The following PRKN variants were observed in gnomAD, a reference collection of about 807,000 sequenced individuals.
The protein encoded by PRKN is E3 ubiquitin-protein ligase parkin.
PRKN carries 56 observed loss-of-function variants against 59.5 expected under a neutral mutation model. The ratio of observed to expected loss-of-function variants is 0.94; its 90% CI spans 0.76 to 1.18. The LOEUF (loss-of-function observed/expected upper bound fraction) is 1.18. Among genes scored for constraint, PRKN ranks in the 50% most tolerant of loss-of-function variants. The probability of loss-of-function intolerance (pLI) is 0.00; values close to 1 mark genes in which losing one functional copy is unlikely to be tolerated. For synonymous variants in PRKN, 250 were observed against 222.1 expected, an observed-to-expected ratio of 1.13 and a Z score of -1.12; for missense variants, 657 against 596.4, an observed-to-expected ratio of 1.10 and a Z score of -1.06.
At chr6:161,738,950 G>T (rs1032739124) in intron 7 of PRKN, among the ~76,000 whole-genome samples, 3 of 152,310 alleles carry the variant, frequency 2.0e-5, no homozygotes, top group Admixed American at 2.0e-4. Flanking sequence ...CAAACTGTGG[G>T]AAACAGGTAT....
chr6:162,381,954 G>A (rs776964140), intron 2 of PRKN, among the ~76,000 whole-genome samples: 16 of 152,068 alleles, frequency 1.1e-4, no homozygotes, highest in Non-Finnish European at 2.4e-4. Flanking sequence ...CAGCACAATT[G>A]CAGATCAGGA....
intron 7 of PRKN, among the ~76,000 whole-genome samples, chr6:161,752,989 G>A (rs1382296849): frequency 1.3e-5 from 2 of 152,152 alleles, no homozygotes; most frequent in Non-Finnish European, 2.9e-5. Flanking sequence ...AGTGTCAGAG[G>A]AACAGGTGTA....
intron 5 of PRKN, among the ~76,000 whole-genome samples, chr6:162,048,451 C>T (rs1226889375): frequency 2.0e-5 from 3 of 151,802 alleles, no homozygotes; most frequent in Admixed American, 6.6e-5. Flanking sequence ...CGGAGGGGAG[C>T]GTTGGATGAC....
chr6:161,977,936 C>G (rs924530651), intron 5 of PRKN, among the ~76,000 whole-genome samples: 1 of 152,100 alleles, frequency 6.6e-6, no homozygotes, highest in Non-Finnish European at 1.5e-5. Context: ...CAGAGATGAG[C>G]GGACAAATGA....
intron 1 of PRKN, among the ~76,000 whole-genome samples, chr6:162,473,432 C>T (rs148087203): frequency 6.6e-6 from 1 of 152,096 alleles, no homozygotes; most frequent in South Asian, 2.1e-4. Flanking sequence ...CCTATGTTTG[C>T]CAACATCAAG....
chr6:161,632,209 A>C (rs1255256616), intron 7 of PRKN, among the ~76,000 whole-genome samples: 4 of 152,152 alleles, frequency 2.6e-5, no homozygotes, highest in Non-Finnish European at 4.4e-5. Flanking sequence ...AATGATAGTC[A>C]CAGCGTCACA....
At chr6:161,942,592 C>A (rs1037900986) in intron 6 of PRKN, among the ~76,000 whole-genome samples, 3 of 152,114 alleles carry the variant, frequency 2.0e-5, no homozygotes, top group Non-Finnish European at 4.4e-5. Context: ...TTGGATACTT[C>A]CTTTTGTTCC....
At chr6:161,923,073 C>T (rs1778842619) in intron 6 of PRKN, among the ~76,000 whole-genome samples, 1 of 152,236 alleles carries the variant, frequency 6.6e-6, no homozygotes, top group Non-Finnish European at 1.5e-5. Flanking sequence ...CATGTGGCCT[C>T]CCTGTTCCTG....
chr6:162,439,975 C>T (rs1287042434), intron 2 of PRKN, among the ~76,000 whole-genome samples: 1 of 152,106 alleles, frequency 6.6e-6, no homozygotes, highest in African/African-American at 2.4e-5. Context: ...GCACCCCTAA[C>T]TCCATGACTC....
At chr6:162,532,428 G>C (rs2128197088) in intron 1 of PRKN, among the ~76,000 whole-genome samples, 1 of 152,272 alleles carries the variant, frequency 6.6e-6, no homozygotes, top group Middle Eastern at 3.4e-3. Context: ...TTTTATCTTT[G>C]CTTCATCTCT....
chr6:161,365,642 T>C (rs1276762340), intron 10 of PRKN, among the ~76,000 whole-genome samples: 1 of 152,144 alleles, frequency 6.6e-6, no homozygotes, highest in East Asian at 1.9e-4. Context: ...CTTTTCAAAA[T>C]ACCAATTTTC....
At chr6:162,189,315 C>CCTATTCTAATTATCTTCTATA (rs1784170128) in intron 4 of PRKN, among the ~76,000 whole-genome samples, 2 of 65,190 alleles carry the variant, frequency 3.1e-5, no homozygotes, top group Non-Finnish European at 7.7e-5. Flanking sequence ...TATCTTATAT[C>CCTATTCTAATTATCTTCTATA]GGAGGGAATT....
chr6:162,432,423 G>T (rs1789581147), intron 2 of PRKN, among the ~76,000 whole-genome samples: 1 of 152,058 alleles, frequency 6.6e-6, no homozygotes. Context: ...CTACTAGCAG[G>T]GCTGAGGCAG....
At position 161,372,765 on chromosome 6, in the gene PRKN, G is replaced by C. The variant is rs1460041619; in HGVS notation, c.1168-12560C>G. 2.6e-5 allele frequency among the ~76,000 whole-genome samples: 4 copies of C among 152,026 alleles called. No homozygotes were observed. The highest frequency in any genetic ancestry group is 9.7e-5 in the African/African-American group (4 of 41,364). ...GATGTCGCTAGCCTGCAGAGCTTCGGAGAACTACTGCTCGCAGAAGGTCTA... is the reference window on the plus strand; with the variant it reads ...GATGTCGCTAGCCTGCAGAGCTTCGCAGAACTACTGCTCGCAGAAGGTCTA... On this transcript the variant is annotated intron_variant, in intron 10 of 11. Coordinates refer to ENST00000366898, the MANE Select transcript of PRKN (RefSeq NM_004562.3). The surrounding 1 kb of genome is among the most constrained non-coding windows in gnomAD (Gnocchi z 4.2).
intron 8 of PRKN, among the ~76,000 whole-genome samples, chr6:161,565,941 T>C (rs1358967315): frequency 6.6e-6 from 1 of 152,140 alleles, no homozygotes; most frequent in Non-Finnish European, 1.5e-5. Context: ...GCCACTCTCT[T>C]GTCCAAGCCC....
At chr6:161,991,478 T>C (rs545693815) in intron 5 of PRKN, among the ~76,000 whole-genome samples, 1 of 152,342 alleles carries the variant, frequency 6.6e-6, no homozygotes, top group African/African-American at 2.4e-5. Context: ...TACTCATTAA[T>C]AATAACTTCA....
chr6:162,319,604 T>A (rs1008877840), intron 2 of PRKN, among the ~76,000 whole-genome samples: 3 of 152,060 alleles, frequency 2.0e-5, no homozygotes, highest in African/African-American at 7.2e-5. Flanking sequence ...ATTCATTATC[T>A]CATTAAATTG....
intron 7 of PRKN, among the ~76,000 whole-genome samples, chr6:161,605,513 T>G (rs1441955572): frequency 1.4e-5 from 2 of 139,266 alleles, no homozygotes; most frequent in Non-Finnish European, 3.0e-5. Context: ...CTGCCCTCTC[T>G]CTTTTTTTTT....
intron 1 of PRKN, among the ~76,000 whole-genome samples, chr6:162,584,825 CCCCTG>C (rs1562409239): frequency 2.7e-4 from 2 of 7,344 alleles, no homozygotes; most frequent in Admixed American, 1.7e-3. Flanking sequence ...CCCCTCCCCT[CCCCTG>C]TCCCATCCCC....
Sources: gnomAD v4.1 joint callset for allele counts (sites outside exome capture counted in the v4.1 genomes callset) on GRCh38, gnomAD v4.1.1 for gene constraint, Gnocchi (gnomAD v3.1) non-coding constraint, MANE v1.5 for transcripts, NCBI Gene and HGNC (gene_info 2026-07-23, HGNC 2026-07-21) for gene names.